PASK: variants seen among roughly 807,000 people sequenced by gnomAD.
PASK encodes the protein PAS domain containing serine/threonine kinase.
A neutral mutation model predicts 121.0 loss-of-function variants in PASK; 110 were observed. That is an observed-to-expected ratio of 0.91 (90% CI 0.78 to 1.06). The LOEUF is 1.06. Among genes scored for constraint, PASK ranks in the 50% least tolerant of loss-of-function variants. The pLI is 0.00. For synonymous variants in PASK, 686 were observed against 717.8 expected, an observed-to-expected ratio of 0.96 and a Z score of 0.71; for missense variants, 1,643 against 1,702.3, an observed-to-expected ratio of 0.97 and a Z score of 0.61.
intron 9 of PASK, among the ~76,000 whole-genome samples, chr2:241,128,406 G>A (rs773561080): frequency 6.6e-5 from 10 of 152,230 alleles, no homozygotes; most frequent in Non-Finnish European, 1.2e-4. Flanking sequence ...TGAGGAGGCT[G>A]CCACAGTCCA....
intron 12 of PASK, among the ~76,000 whole-genome samples, chr2:241,120,355 T>TG (rs2065550196): frequency 6.6e-6 from 1 of 152,022 alleles, no homozygotes; most frequent in Non-Finnish European, 1.5e-5. Flanking sequence ...CAGCTGGGCC[T>TG]GGTGGTGTGC....
chr2:241,148,080 T>C (rs534139030), intron 1 of PASK, among the ~76,000 whole-genome samples: 10 of 152,128 alleles, frequency 6.6e-5, no homozygotes, highest in Non-Finnish European at 1.2e-4. Flanking sequence ...TAACCAGAAA[T>C]ACCTGCACGT....
At chr2:241,115,263 G>A (rs369163716) in intron 13 of PASK, 25 bp downstream of exon 13, 17 of 1,613,878 alleles carry the variant, frequency 1.1e-5, no homozygotes, top group Non-Finnish European at 1.4e-5. Flanking sequence ...CCAAGTTAGG[G>A]TATCTCTGAA....
chr2:241,116,777 C>T (rs1303588014), intron 12 of PASK, among the ~76,000 whole-genome samples: 5 of 152,192 alleles, frequency 3.3e-5, no homozygotes. Context: ...ACGTGGGTGT[C>T]GGCACGCAGC....
chr2:241,132,958 C>G lies in PASK; in HGVS notation c.1379G>C (p.Ser460Thr). ...PRDEIRKLMESQDIFTGTQTE... is the reference protein window; with the variant it reads ...PRDEIRKLMETQDIFTGTQTE... ...CTGAGTCCCGGTGAAGATGTCTTGGCTTTCCATCAGCTTCCGGATCTCATC... is the reference window on the plus strand; with the variant it reads ...CTGAGTCCCGGTGAAGATGTCTTGGGTTTCCATCAGCTTCCGGATCTCATC... The change falls in exon 9 of 18, where the codon AGC becomes ACC. Residue 460 changes from serine to threonine, a missense_variant. This residue lies in a region of PASK where 1,176 missense variants were observed against 1,162.2 expected (regional missense o/e 1.01). Coordinates refer to ENST00000234040, the MANE Select transcript of PASK (RefSeq NM_015148.4). 1 of 1,614,072 alleles carries G rather than the reference C, an allele frequency of 6.2e-7. No homozygotes were observed. The highest frequency in any genetic ancestry group is 8.5e-7 in the Non-Finnish European group (1 of 1,179,918).
chr2:241,112,418 G>C lies in PASK; in HGVS notation c.3355C>G (p.Leu1119Val). Residue 1119 changes from leucine (L) to valine (V), a missense_variant, in exon 15 of 18, where the codon CTG becomes GTG. By Grantham distance (32) the Leu-to-Val change is conservative. Transcript: ENST00000234040. The surrounding 1 kb of genome is among the most constrained non-coding windows in gnomAD (Gnocchi z 5.2). Reference protein sequence around the residue: ...FRQLVSAVGYLRLKDIIHRDI... With the variant: ...FRQLVSAVGYVRLKDIIHRDI... ...CGGTGGATGATGTCCTTCAAGCGCA[G>C]GTATCCCACTGCTGACACTAGCTGG... 6.2e-7 allele frequency: 1 copy of C among 1,613,396 alleles called. No individual in the cohort carries two copies. Among genetic ancestry groups the C allele is most frequent in the Non-Finnish European group, 8.5e-7 (1 of 1,179,572 alleles).
chr2:241,140,706 T>C lies in PASK; in HGVS notation c.244A>G (p.Ile82Val). 1 of 1,614,104 alleles carries C rather than the reference T, an allele frequency of 6.2e-7. No individual in the cohort carries two copies. Among genetic ancestry groups the C allele is most frequent in the Non-Finnish European group, 8.5e-7 (1 of 1,179,950 alleles). ...YCLSSLAAQN[I>V]CTSKLHCPAA... ...GGGCAGTGCAGTTTACTTGTACAAA[T>C]ATTCTGGGCAGCCAGTGATGATAGA... The change falls in exon 3 of 18, where the codon ATT (isoleucine) becomes GTT (valine). Residue 82 changes from isoleucine (I) to valine (V), a missense_variant. Transcript: ENST00000234040.
chr2:241,110,392 T>C (rs369387400), intron 15 of PASK, among the ~76,000 whole-genome samples: 6 of 152,186 alleles, frequency 3.9e-5, no homozygotes, highest in South Asian at 2.1e-4. Flanking sequence ...GAGGATGGGA[T>C]TGAGAATAAG....
chr2:241,126,376 C>T lies in PASK; in HGVS notation c.2539G>A (p.Val847Ile), dbSNP rs145387091. The T allele has an allele frequency of 1.4e-5, 22 of 1,614,148 alleles. No homozygotes were observed. The highest frequency in any genetic ancestry group is 1.1e-4 in the East Asian group (5 of 44,898). ...AASDRESPGHVPSTLDAGPED... is the reference protein window; with the variant it reads ...AASDRESPGHIPSTLDAGPED... ...GGGCCAGCATCCAACGTGGAAGGAA[C>T]GTGTCCTGGGCTTTCTCTGTCGCTT... is the stretch of plus-strand genomic sequence containing the variant. The change falls in exon 10 of 18, where the codon GTT becomes ATT. Residue 847 changes from valine to isoleucine, a missense_variant. By Grantham distance (29) the Val-to-Ile change is conservative (BLOSUM62 3). Transcript: ENST00000234040.
In PASK at chr2:241,126,776, TGAG is replaced by T. The variant is rs746316075; in HGVS notation, c.2136_2138del (p.Ser713del). Reference sequence around the variant, plus strand: ...GGTCCGTGGCCAAGGCATAGCAGGCTGAGGAGCTGCCCGTGCAGCCACCGCACA... The same window carrying T: ...GGTCCGTGGCCAAGGCATAGCAGGCTGAGCTGCCCGTGCAGCCACCGCACA... On this transcript the variant is annotated inframe_deletion, in exon 10 of 18. Coordinates refer to ENST00000234040, the MANE Select transcript of PASK (RefSeq NM_015148.4). 1.9e-6 allele frequency: 3 copies of T among 1,614,094 alleles called. No individual in the cohort carries two copies. The highest frequency in any genetic ancestry group is 2.2e-5 in the South Asian group (2 of 91,088).
Position 241,139,986 on chromosome 2 carries a change from G to A in PASK, c.499C>T (p.Leu167Phe), listed in dbSNP as rs200237047. ...TCTGACCTCAGAAAGAACTGCGTGA[G>A]CTTCTGGCCAATCAGGTCCTGGCTG... is the stretch of plus-strand genomic sequence containing the variant. ...YSSQDLIGQK[L>F]TQFFLRSDSD... Residue 167 changes from leucine to phenylalanine, a missense_variant, in exon 4 of 18, where the codon CTC becomes TTC. This residue lies in a region of PASK where 1,176 missense variants were observed against 1,162.2 expected (regional missense o/e 1.01). Transcript: ENST00000234040. 1.9e-6 allele frequency: 3 copies of A among 1,614,040 alleles called. No individual in the cohort carries two copies. In the Admixed American group the frequency reaches 5.0e-5, roughly 27 times the overall value.
At chr2:241,138,846 T>C (rs1183185736) in intron 4 of PASK, 52 bp from the exon 5 acceptor site, 2 of 1,598,910 alleles carry the variant, frequency 1.3e-6, no homozygotes, top group Non-Finnish European at 1.7e-6. Flanking sequence ...AAAAGACCAG[T>C]ATGGGTGGGG....
In PASK at chr2:241,123,999, C is replaced by A; in HGVS notation, c.2854G>T (p.Gly952Cys). Reference protein sequence around the residue: ...RTRLFLASLPGSTHSTAAELT... With the variant: ...RTRLFLASLPCSTHSTAAELT... ...TCAGCAGCGGTAGAGTGGGTGGAGC[C>A]GGGCAGGCTGGCAAGGAACAGGCGG... The change falls in exon 11 of 18, where the codon GGC becomes TGC. Residue 952 changes from glycine (G) to cysteine (C), a missense_variant. Physicochemically the swap from Gly to Cys is radical, Grantham distance 159. This residue lies in a region of PASK where 453 missense variants were observed against 511.2 expected (regional missense o/e 0.89). Coordinates refer to ENST00000234040, the MANE Select transcript of PASK (RefSeq NM_015148.4). 1.2e-6 allele frequency: 2 copies of A among 1,613,918 alleles called. No individual in the cohort carries two copies. Among genetic ancestry groups the A allele is most frequent in the Non-Finnish European group, 1.7e-6 (2 of 1,180,012 alleles).
intron 1 of PASK, among the ~76,000 whole-genome samples, chr2:241,148,866 A>G (rs931242447): frequency 2.0e-5 from 3 of 152,232 alleles, no homozygotes; most frequent in African/African-American, 7.2e-5. Flanking sequence ...GAAAGGCCTC[A>G]AGACGGCAGC....
In PASK at chr2:241,137,023, T is replaced by C; in HGVS notation, c.1118A>G (p.Lys373Arg). 3.1e-6 allele frequency: 5 copies of C among 1,613,436 alleles called. No individual in the cohort carries two copies. Among genetic ancestry groups the C allele is most frequent in the Non-Finnish European group, 4.2e-6 (5 of 1,179,998 alleles). Residue 373 changes from lysine (K) to arginine (R), a missense_variant, in exon 7 of 18, where the codon AAG (lysine) becomes AGG (arginine). Physicochemically the swap from Lys to Arg is conservative, Grantham distance 26. Around this residue, in one of 3 missense-constraint regions of PASK, gnomAD observed 1,176 missense variants for 1,162.2 expected, o/e 1.01. Coordinates refer to ENST00000234040, the MANE Select transcript of PASK (RefSeq NM_015148.4). The part of the protein sequence containing the change: ...SFALTLFGYG[K>R]TELLGKNITF... The stretch of plus-strand genomic sequence containing the variant: ...CCCCACCTTGCCCAGGAGCTCCGTC[T>C]TTCCGTAACCAAACAGTGTCAGCGC...
intron 12 of PASK, among the ~76,000 whole-genome samples, chr2:241,117,878 G>A (rs181303313): frequency 5.3e-5 from 8 of 152,198 alleles, no homozygotes. Context: ...AACTGGCAAC[G>A]AATATATTCT....
Position 241,124,093 on chromosome 2 carries a change from G to A in PASK, c.2760C>T (p.Pro920=). 1 of 1,613,742 alleles carries A rather than the reference G, an allele frequency of 6.2e-7. No individual in the cohort carries two copies. The highest frequency in any genetic ancestry group is 2.2e-5 in the East Asian group (1 of 44,872). Residue 920 remains proline (P), a synonymous_variant, in exon 11 of 18, where the codon CCC becomes CCT. Transcript: ENST00000234040. ...FEVRRVELQG[P]TPLFCCWLVK... is the part of the protein sequence containing the mutation. ...CCAGCCAGCAGCAGAACAGAGGTGT[G>A]GGGCCCTGGAGCTCCACCCGCCTCA...
At chr2:241,115,828 A>G (rs868283359) in intron 12 of PASK, among the ~76,000 whole-genome samples, 34 of 102,326 alleles carry the variant, frequency 3.3e-4, no homozygotes, top group Non-Finnish European at 4.3e-4. Context: ...GGGGCCACCC[A>G]GTCCTCAAGC....
At position 241,133,037 on chromosome 2, in the gene PASK, G is replaced by A; in HGVS notation, c.1307-7C>T. 1.2e-6 allele frequency: 2 copies of A among 1,614,004 alleles called. No homozygotes were observed. The highest frequency in any genetic ancestry group is 1.7e-6 in the Non-Finnish European group (2 of 1,179,908). ...ACGACATTAATCCTTGGATCTGGCAGCAACACCAAAAAAGAGCGTTTGCTC... is the reference window on the plus strand; with the variant it reads ...ACGACATTAATCCTTGGATCTGGCAACAACACCAAAAAAGAGCGTTTGCTC... On this transcript the variant is annotated splice_polypyrimidine_tract_variant and splice_region_variant and intron_variant, in intron 8 of 17. Coordinates refer to ENST00000234040, the MANE Select transcript of PASK (RefSeq NM_015148.4).
Sources: gnomAD v4.1 joint callset for allele counts (sites outside exome capture counted in the v4.1 genomes callset) on GRCh38, gnomAD v4.1.1 for gene constraint, gnomAD v4.1.1 regional missense constraint, Gnocchi (gnomAD v3.1) non-coding constraint, MANE v1.5 for transcripts, NCBI Gene and HGNC (gene_info 2026-07-23, HGNC 2026-07-21) for gene names.